Variants in NOL8 observed in about 807,000 individuals in gnomAD.
NOL8 encodes the protein nucleolar protein 8.
Under a neutral mutation model 116.1 loss-of-function variants are expected in NOL8, and 93 were observed. The ratio of observed to expected loss-of-function variants is 0.80; its 90% CI spans 0.68 to 0.95. The LOEUF (loss-of-function observed/expected upper bound fraction) is 0.95. NOL8 is among the 40% of genes least tolerant of loss of function. The probability of loss-of-function intolerance (pLI) is 0.00; values close to 1 mark genes in which losing one functional copy is unlikely to be tolerated. For missense variants in NOL8, 1,291 were observed against 1,382.8 expected (o/e 0.93, Z 1.05); for synonymous variants, 419 against 469.0 (o/e 0.89, Z 1.38).
chr9:92,323,580 T>C (rs556029717), intron 2 of NOL8, 77 bp from the exon 3 acceptor site: 5 of 1,231,926 alleles, frequency 4.1e-6, no homozygotes, highest in African/African-American at 1.5e-5. Context: ...AACGGTTGTT[T>C]CTAAATTAAA....
At chr9:92,319,380 T>TA in intron 4 of NOL8, 24 bp from the exon 5 acceptor site, 2 of 1,518,862 alleles carry the variant, frequency 1.3e-6, no homozygotes, top group East Asian at 2.5e-5. Context: ...AAAATACAAA[T>TA]AAAAGAGTCA....
chr9:92,310,886 T>A (rs1416178131), intron 8 of NOL8: 1 of 584,582 alleles, frequency 1.7e-6, no homozygotes, highest in Admixed American at 3.4e-5. Context: ...GAAGCCTGGA[T>A]TTGGGGAGGT....
At chr9:92,308,336 TG>T (rs1838463414) in intron 10 of NOL8, among the ~76,000 whole-genome samples, 1 of 152,062 alleles carries the variant, frequency 6.6e-6, no homozygotes, top group Non-Finnish European at 1.5e-5. Context: ...CACTCCAGCC[TG>T]AGGAACACAG....
chr9:92,312,844 A>AG (rs1190854543), intron 7 of NOL8, among the ~76,000 whole-genome samples: 3 of 132,278 alleles, frequency 2.3e-5, no homozygotes, highest in African/African-American at 9.5e-5. Context: ...AAAAAAAAAA[A>AG]AAAAGAAAAG....
chr9:92,302,468 A>G (rs973808744), intron 12 of NOL8, among the ~76,000 whole-genome samples: 1 of 152,210 alleles, frequency 6.6e-6, no homozygotes, highest in African/African-American at 2.4e-5. Context: ...ACGTAAAATA[A>G]TAAGTGAACA....
Position 92,306,979 on chromosome 9 carries a change from T to C in NOL8, c.2732A>G (p.Glu911Gly), listed in dbSNP as rs1306156907. 2.5e-6 allele frequency: 4 copies of C among 1,613,182 alleles called. No homozygotes were observed. The Admixed American group carries it at 6.7e-5, about 27-fold the overall frequency. Residue 911 changes from glutamate (E) to glycine (G), a missense_variant, in exon 11 of 17, where the codon GAA becomes GGA. Transcript: ENST00000442668. ...KTAEEEELAEEKKKALNVVQS... is the reference protein window; with the variant it reads ...KTAEEEELAEGKKKALNVVQS... ...TACAACATTCAGGGCTTTCTTTTTT[T>C]CTTCAGCAAGCTCTTCTTCCTCAGC... is the stretch of plus-strand genomic sequence containing the variant.
rs1028908846 is a variant in NOL8, at chr9:92,310,446, C to T, written c.2595+107G>A. The T allele has an allele frequency of 3.4e-5, 45 of 1,330,670 alleles. 1 individual carries two copies. Among genetic ancestry groups the T allele is most frequent in the African/African-American group, 4.4e-5 (3 of 68,442 alleles). 82.4% of individuals were successfully genotyped at this position (1,330,670 alleles called of 1,614,324 possible). ...AGACTCACTCTCCAAATAAACACCCCGATGCTATAATGTAGGTTAAGGTCT... is the reference window on the plus strand; with the variant it reads ...AGACTCACTCTCCAAATAAACACCCTGATGCTATAATGTAGGTTAAGGTCT... On this transcript the variant is annotated intron_variant, in intron 9 of 16. Transcript: ENST00000442668.
chr9:92,311,821 A>G (rs981909755), intron 7 of NOL8, among the ~76,000 whole-genome samples: 3 of 152,222 alleles, frequency 2.0e-5, no homozygotes, highest in Non-Finnish European at 4.4e-5. Flanking sequence ...AAACAAAACT[A>G]TCATTTGACC....
rs2079811616 is a variant in NOL8 at position 92,315,586 on chromosome 9, T to G, written c.1039A>C (p.Lys347Gln). The G allele has an allele frequency of 6.2e-7, 1 of 1,613,110 alleles. No individual in the cohort carries two copies. Among genetic ancestry groups the G allele is most frequent in the South Asian group, 1.1e-5 (1 of 90,960 alleles). Residue 347 changes from lysine to glutamine, a missense_variant, in exon 7 of 17, where the codon AAA becomes CAA. By Grantham distance (53) the Lys-to-Gln change is moderately conservative (BLOSUM62 1). Coordinates refer to ENST00000442668, the MANE Select transcript of NOL8 (RefSeq NM_017948.6). ...CCTAAACCTATTAAAGAATGCAGTT[T>G]GTGAACGCCTGATTTGAAATCATCC... ...VRDDFKSGVH[K>Q]LHSLIGLGIK...
At chr9:92,324,869 G>C (rs144757217) in intron 1 of NOL8, 1 of 152,318 alleles carries the variant, frequency 6.6e-6, no homozygotes, top group African/African-American at 2.4e-5. Flanking sequence ...TTTTTCAGGA[G>C]AGCAGAAGAG....
chr9:92,301,668 A>C lies in NOL8; in HGVS notation c.3058T>G (p.Cys1020Gly). 6.2e-7 allele frequency: 1 copy of C among 1,604,468 alleles called. No homozygotes were observed. Among genetic ancestry groups the C allele is most frequent in the Non-Finnish European group, 8.5e-7 (1 of 1,177,474 alleles). ...ATTTCCTCAGGTTTCTCTTTACCAC[A>C]GTCCTCATTCCAGGGTGTGCCCTCT... The part of the protein sequence containing the change: ...KEEGTPWNED[C>G]GKEKPEEIQD... The change falls in exon 13 of 17, where the codon TGT (cysteine) becomes GGT (glycine). Residue 1020 changes from cysteine (C) to glycine (G), a missense_variant. Coordinates refer to ENST00000442668, the MANE Select transcript of NOL8 (RefSeq NM_017948.6).
Position 92,316,149 on chromosome 9 carries a change from T to A in NOL8, c.487-11A>T. The A allele has an allele frequency of 6.3e-7, 1 of 1,598,262 alleles. No homozygotes were observed. Among genetic ancestry groups the A allele is most frequent in the Non-Finnish European group, 8.5e-7 (1 of 1,172,252 alleles). On this transcript the variant is annotated splice_polypyrimidine_tract_variant and intron_variant, in intron 6 of 16. Coordinates refer to ENST00000442668, the MANE Select transcript of NOL8 (RefSeq NM_017948.6). ...ATCATATTTGATGATGTTACGCAAGTCAAGAAACAAAACTAAAGCACTTGG... is the reference window on the plus strand; with the variant it reads ...ATCATATTTGATGATGTTACGCAAGACAAGAAACAAAACTAAAGCACTTGG...
intron 8 of NOL8, 83 bp downstream of exon 8, chr9:92,311,062 GT>G (rs1278389369): frequency 1.8e-6 from 2 of 1,107,514 alleles, no homozygotes; most frequent in Admixed American, 2.0e-5. Flanking sequence ...TCTCAGGAGG[GT>G]TTTATGTTGA....
Position 92,315,178 on chromosome 9 carries a change from G to A in NOL8, c.1447C>T (p.Arg483Cys), listed in dbSNP as rs759194714. The A allele has an allele frequency of 6.2e-6, 10 of 1,613,932 alleles. No homozygotes were observed. The highest frequency in any genetic ancestry group is 2.2e-5 in the South Asian group (2 of 91,070). Residue 483 changes from arginine to cysteine, a missense_variant, in exon 7 of 17, where the codon CGT (arginine) becomes TGT (cysteine). Physicochemically the swap from Arg to Cys is radical, Grantham distance 180 (BLOSUM62 -3). Transcript: ENST00000442668. ...EYNAMMKNCL[R>C]VNLTLADLEQ... ...AAATCAGCTAAAGTGAGATTCACAC[G>A]AAGGCAGTTTTTCATCATGGCATTA...
At position 92,312,500 on chromosome 9, in the gene NOL8, G is replaced by A. The variant is rs574897527; in HGVS notation, c.2359-1241C>T. On this transcript the variant is annotated intron_variant, in intron 7 of 16. Transcript: ENST00000442668. ...ACAATCAACACTGGGGTCTACTTGAGGGTGGAGGGTGGAAAGAGAGTAAGG... is the reference window on the plus strand; with the variant it reads ...ACAATCAACACTGGGGTCTACTTGAAGGTGGAGGGTGGAAAGAGAGTAAGG... 4.0e-5 allele frequency among the ~76,000 whole-genome samples: 6 copies of A among 150,334 alleles called. No individual in the cohort carries two copies. In the East Asian group the frequency reaches 1.2e-3, roughly 29 times the overall value.
chr9:92,299,456 A>T (rs763369467), intron 14 of NOL8, among the ~76,000 whole-genome samples: 73 of 152,248 alleles, frequency 4.8e-4, no homozygotes, highest in Non-Finnish European at 1.0e-3. Flanking sequence ...AACACTCTAA[A>T]GAAACTGAGA....
intron 6 of NOL8, 24 bp downstream of exon 6, chr9:92,318,581 CTGTGGTAAATAAT>C: frequency 7.3e-7 from 1 of 1,373,466 alleles, no homozygotes; most frequent in Non-Finnish European, 1.0e-6. Flanking sequence ...GTATCCGTCA[CTGTGGTAAATAAT>C]TATGTTGAGA....
chr9:92,304,865 G>GT (rs1838088246), intron 12 of NOL8, among the ~76,000 whole-genome samples: 1 of 152,026 alleles, frequency 6.6e-6, no homozygotes, highest in African/African-American at 2.4e-5. Flanking sequence ...TTGTCCTGTT[G>GT]TTTCAAGATT....
intron 4 of NOL8, among the ~76,000 whole-genome samples, chr9:92,321,303 G>T (rs1202964515): frequency 6.6e-6 from 1 of 152,156 alleles, no homozygotes; most frequent in Non-Finnish European, 1.5e-5. Flanking sequence ...CCACTACATT[G>T]TGGTATAACC....
Sources: gnomAD v4.1 joint callset for allele counts (sites outside exome capture counted in the v4.1 genomes callset) on GRCh38, gnomAD v4.1.1 for gene constraint, MANE v1.5 for transcripts, NCBI Gene and HGNC (gene_info 2026-07-23, HGNC 2026-07-21) for gene names.